The following LTBP1 variants were observed in gnomAD, a reference collection of about 807,000 sequenced individuals.
LTBP1 encodes the protein latent-transforming growth factor beta-binding protein 1.
LTBP1 carries 129 observed loss-of-function variants against 207.6 expected under a neutral mutation model. The ratio of observed to expected loss-of-function variants is 0.62; its 90% CI spans 0.54 to 0.72. LTBP1 has a LOEUF of 0.72. Ranked by LOEUF, LTBP1 falls within the 30% of genes least tolerant of loss-of-function variation. LTBP1 has a pLI of 0.00. For synonymous variants in LTBP1, 963 were observed against 833.7 expected (o/e 1.16, Z -2.67); for missense variants, 2,281 against 2,217.2 (o/e 1.03, Z -0.58).
chr2:33,139,777 A>T (rs1048746393), intron 5 of LTBP1, among the ~76,000 whole-genome samples: 2 of 152,206 alleles, frequency 1.3e-5, no homozygotes, highest in Non-Finnish European at 2.9e-5. Flanking sequence ...AGAATTGGGC[A>T]TGGAGATGTG....
intron 7 of LTBP1, among the ~76,000 whole-genome samples, chr2:33,193,817 TCTGACTGCTCTACC>T (rs2088216116): frequency 6.6e-6 from 1 of 152,218 alleles, no homozygotes; most frequent in African/African-American, 2.4e-5. Context: ...ATGTGTATTC[TCTGACTGCTCTACC>T]AACTGGCCAT....
chr2:33,200,518 A>C (rs1446759716), intron 7 of LTBP1, among the ~76,000 whole-genome samples: 1 of 152,258 alleles, frequency 6.6e-6, no homozygotes, highest in East Asian at 1.9e-4. Flanking sequence ...AAAACCATAA[A>C]AACCCTAGAA....
chr2:33,357,411 G>A (rs1010532586), intron 26 of LTBP1, among the ~76,000 whole-genome samples: 8 of 152,314 alleles, frequency 5.3e-5, no homozygotes, highest in African/African-American at 1.9e-4. Flanking sequence ...AAAGGGCAAA[G>A]CAGAACAAAC....
chr2:32,988,095 C>G (rs1178531628), intron 2 of LTBP1, among the ~76,000 whole-genome samples: 1 of 152,214 alleles, frequency 6.6e-6, no homozygotes, highest in East Asian at 1.9e-4. Context: ...CTGGAAGAAG[C>G]AAGGAACAGC....
At chr2:33,267,340 C>T (rs1404432276) in intron 15 of LTBP1, among the ~76,000 whole-genome samples, 1 of 152,182 alleles carries the variant, frequency 6.6e-6, no homozygotes, top group African/African-American at 2.4e-5. Context: ...AGAACAAGCT[C>T]AGTGGGTGCA....
chr2:33,216,383 A>G (rs1278649676), intron 7 of LTBP1, among the ~76,000 whole-genome samples: 4 of 152,148 alleles, frequency 2.6e-5, no homozygotes, highest in African/African-American at 9.7e-5. Context: ...TTTTGGAAGG[A>G]CGTGATTTGT....
At chr2:33,073,470 A>G (rs2077907997) in intron 3 of LTBP1, among the ~76,000 whole-genome samples, 1 of 152,148 alleles carries the variant, frequency 6.6e-6, no homozygotes, top group Admixed American at 6.5e-5. Context: ...AACAAAGTCA[A>G]GGTATTATGA....
intron 5 of LTBP1, among the ~76,000 whole-genome samples, chr2:33,150,299 C>T (rs1021996107): frequency 2.0e-5 from 3 of 152,098 alleles, no homozygotes; most frequent in Non-Finnish European, 4.4e-5. Flanking sequence ...TCTTAATTCC[C>T]TCGGTGTGTA....
intron 5 of LTBP1, 148 bp from the exon 6 acceptor site, chr2:33,186,708 C>T (rs567885000): frequency 9.6e-6 from 6 of 626,774 alleles, no homozygotes; most frequent in Admixed American, 5.8e-5. Context: ...TTTGGCATAG[C>T]GAGTTTACTC....
chr2:33,192,375 A>G (rs1305672816), intron 7 of LTBP1, among the ~76,000 whole-genome samples: 3 of 152,152 alleles, frequency 2.0e-5, no homozygotes, highest in Non-Finnish European at 4.4e-5. Flanking sequence ...CTTGCCAAAT[A>G]TATCTAACCT....
rs1289769436 is a variant in LTBP1, at chr2:33,192,547, A to G, written c.1701+3696A>G. Among the ~76,000 whole-genome samples the G allele has an allele frequency of 1.3e-5, 2 of 152,170 alleles. 1 individual carries two copies. The highest frequency in any genetic ancestry group is 4.8e-5 in the African/African-American group (2 of 41,438). On this transcript the variant is annotated intron_variant, in intron 7 of 33. Transcript: ENST00000404816. ...TAAAAAAAAAAAATCAGAGTATAAA[A>G]GAAAGTGAGATGATGTTTGTAGAAA...
chr2:33,325,574 G>A (rs1001387548), intron 24 of LTBP1, among the ~76,000 whole-genome samples: 6 of 152,108 alleles, frequency 3.9e-5, no homozygotes, highest in African/African-American at 1.2e-4. Flanking sequence ...CATTAATTCC[G>A]AGACTATCCA....
chr2:32,969,792 A>G (rs1294995665), intron 2 of LTBP1, among the ~76,000 whole-genome samples: 2 of 152,226 alleles, frequency 1.3e-5, no homozygotes, highest in South Asian at 2.1e-4. Context: ...ATACCCAATA[A>G]TGGGATTGCT....
chr2:32,995,726 C>G (rs1685160597), intron 2 of LTBP1, among the ~76,000 whole-genome samples: 1 of 152,150 alleles, frequency 6.6e-6, no homozygotes, highest in South Asian at 2.1e-4. Flanking sequence ...GAGGCCAAGC[C>G]TGCAGTGAGC....
At chr2:33,192,522 T>TA (rs201155492) in intron 7 of LTBP1, among the ~76,000 whole-genome samples, 7,839 of 145,618 alleles carry the variant, frequency 0.054, 333 homozygotes, top group African/African-American at 0.12. Flanking sequence ...CCTGGTTTCT[T>TA]AAAAAAAAAA....
intron 26 of LTBP1, among the ~76,000 whole-genome samples, chr2:33,359,441 T>A (rs1559065204): frequency 6.6e-6 from 1 of 152,178 alleles, no homozygotes; most frequent in Non-Finnish European, 1.5e-5. Context: ...AATAATTTAT[T>A]TAATTTCCTT....
intron 25 of LTBP1, among the ~76,000 whole-genome samples, chr2:33,345,795 T>A (rs2094693834): frequency 6.6e-6 from 1 of 152,236 alleles, no homozygotes; most frequent in South Asian, 2.1e-4. Flanking sequence ...AATTTTTAAC[T>A]TTGATTAAGC....
At chr2:33,393,203 C>A (rs1438836972) in intron 32 of LTBP1, among the ~76,000 whole-genome samples, 1 of 148,966 alleles carries the variant, frequency 6.7e-6, no homozygotes, top group Non-Finnish European at 1.5e-5. Flanking sequence ...TCCTCCCACC[C>A]TCCACTAGTG....
intron 3 of LTBP1, among the ~76,000 whole-genome samples, chr2:33,064,341 T>C (rs2077402726): frequency 6.6e-6 from 1 of 152,236 alleles, no homozygotes; most frequent in Non-Finnish European, 1.5e-5. Context: ...TTTGAGATTT[T>C]ATCTTGCTTG....
Sources: gnomAD v4.1 joint callset for allele counts (sites outside exome capture counted in the v4.1 genomes callset) on GRCh38, gnomAD v4.1.1 for gene constraint, MANE v1.5 for transcripts, NCBI Gene and HGNC (gene_info 2026-07-23, HGNC 2026-07-21) for gene names.